CTNNA3: variants seen among roughly 807,000 people sequenced by gnomAD.
The protein encoded by CTNNA3 is catenin alpha-3.
In CTNNA3, 76 loss-of-function variants were observed where a neutral mutation model predicts 95.7. That is an observed-to-expected ratio of 0.79 (90% confidence interval 0.66 to 0.96). The LOEUF (loss-of-function observed/expected upper bound fraction) is 0.96. Ranked by LOEUF, CTNNA3 falls within the 40% of genes least tolerant of loss-of-function variation. The pLI is 0.00. For synonymous variants in CTNNA3, 431 were observed against 374.4 expected (o/e 1.15, Z -1.74); for missense variants, 1,191 against 1,089.8 (o/e 1.09, Z -1.31).
intron 5 of CTNNA3, among the ~76,000 whole-genome samples, chr10:67,443,637 G>A (rs1367748495): frequency 6.6e-6 from 1 of 152,064 alleles, no homozygotes; most frequent in African/African-American, 2.4e-5. Context: ...ACTTTTTGAT[G>A]GAGTTGTTTG....
intron 6 of CTNNA3, among the ~76,000 whole-genome samples, chr10:67,206,257 G>T (rs1311521877): frequency 6.6e-6 from 1 of 152,120 alleles, no homozygotes; most frequent in Non-Finnish European, 1.5e-5. Context: ...TGTATCTAAT[G>T]GGTTGTGTCT....
intron 14 of CTNNA3, among the ~76,000 whole-genome samples, chr10:66,074,137 T>G (rs1311037778): frequency 2.6e-5 from 4 of 151,960 alleles, no homozygotes; most frequent in Non-Finnish European, 4.4e-5. Flanking sequence ...ATTCAGCACT[T>G]AAGTGCTTGA....
intron 9 of CTNNA3, among the ~76,000 whole-genome samples, chr10:66,697,037 C>T (rs1471342012): frequency 6.6e-6 from 1 of 151,954 alleles, no homozygotes; most frequent in East Asian, 1.9e-4. Context: ...CGCTCTATCT[C>T]CCAAGATGCC....
At chr10:66,695,577 C>T (rs1847726973) in intron 9 of CTNNA3, among the ~76,000 whole-genome samples, 1 of 152,078 alleles carries the variant, frequency 6.6e-6, no homozygotes, top group Non-Finnish European at 1.5e-5. Flanking sequence ...ACAGCTTCTC[C>T]CAGCAGCCTA....
chr10:67,337,642 T>C, intron 5 of CTNNA3, among the ~76,000 whole-genome samples: 1 of 152,106 alleles, frequency 6.6e-6, no homozygotes, highest in East Asian at 1.9e-4. Context: ...TAACAGCCAA[T>C]TAATAGGTCT....
intron 13 of CTNNA3, among the ~76,000 whole-genome samples, chr10:66,106,050 A>G (rs561834094): frequency 2.6e-5 from 4 of 152,204 alleles, no homozygotes; most frequent in African/African-American, 9.6e-5. Context: ...TCTACTAAAA[A>G]TACAAAATTA....
intron 7 of CTNNA3, among the ~76,000 whole-genome samples, chr10:67,157,879 A>C (rs1198539703): frequency 5.9e-5 from 9 of 152,182 alleles, no homozygotes; most frequent in Admixed American, 5.2e-4. Context: ...AGCTAGAAAA[A>C]GGAAAGAATT....
intron 3 of CTNNA3, among the ~76,000 whole-genome samples, chr10:67,600,521 A>T (rs1252411004): frequency 6.6e-6 from 1 of 152,182 alleles, no homozygotes; most frequent in Non-Finnish European, 1.5e-5. Context: ...TAAAACTACA[A>T]TATAATACCA....
intron 11 of CTNNA3, among the ~76,000 whole-genome samples, chr10:66,427,458 C>A (rs2093252519): frequency 6.6e-6 from 1 of 152,014 alleles, no homozygotes; most frequent in South Asian, 2.1e-4. Flanking sequence ...AGTATCTGGG[C>A]ACTTCAAACT....
At chr10:66,856,350 T>A (rs1253313549) in intron 7 of CTNNA3, among the ~76,000 whole-genome samples, 1 of 152,106 alleles carries the variant, frequency 6.6e-6, no homozygotes, top group African/African-American at 2.4e-5. Flanking sequence ...TTCCACGTCT[T>A]TGCTATTGTG....
At chr10:66,466,108 T>C (rs1290009430) in intron 11 of CTNNA3, among the ~76,000 whole-genome samples, 1 of 151,934 alleles carries the variant, frequency 6.6e-6, no homozygotes, top group Admixed American at 6.6e-5. Context: ...ATCCAATAAA[T>C]TGAAGGCTCT....
intron 13 of CTNNA3, among the ~76,000 whole-genome samples, chr10:66,114,844 A>G (rs1204973349): frequency 6.6e-6 from 1 of 151,532 alleles, no homozygotes; most frequent in East Asian, 1.9e-4. Context: ...ACCCCACTGC[A>G]CTCCAGCCTC....
chr10:67,517,047 T>C (rs1488861809), intron 5 of CTNNA3, among the ~76,000 whole-genome samples: 1 of 152,230 alleles, frequency 6.6e-6, no homozygotes, highest in African/African-American at 2.4e-5. Context: ...TTGTGAATAA[T>C]GCTGCAATGA....
At chr10:67,086,181 GATATAA>G (rs1026689629) in intron 7 of CTNNA3, among the ~76,000 whole-genome samples, 23 of 152,000 alleles carry the variant, frequency 1.5e-4, no homozygotes, top group African/African-American at 5.3e-4. Context: ...TACTTATGTG[GATATAA>G]ATATAAATTT....
intron 10 of CTNNA3, among the ~76,000 whole-genome samples, chr10:66,614,396 A>G (rs888180486): frequency 6.6e-6 from 1 of 152,114 alleles, no homozygotes; most frequent in African/African-American, 2.4e-5. Flanking sequence ...CATTATTCTT[A>G]GGATATATCA....
At chr10:65,949,649 C>T (rs559930655) in intron 17 of CTNNA3, among the ~76,000 whole-genome samples, 11 of 152,224 alleles carry the variant, frequency 7.2e-5, no homozygotes, top group African/African-American at 2.6e-4. Flanking sequence ...CTTTACCTGA[C>T]CTCAGAGCGG....
At chr10:67,114,548 T>C (rs971876081) in intron 7 of CTNNA3, among the ~76,000 whole-genome samples, 1 of 152,172 alleles carries the variant, frequency 6.6e-6, no homozygotes, top group Non-Finnish European at 1.5e-5. Context: ...CAACTTTTGT[T>C]ATACTATAAA....
At chr10:66,720,468 G>C (rs192467731) in intron 9 of CTNNA3, among the ~76,000 whole-genome samples, 1 of 152,186 alleles carries the variant, frequency 6.6e-6, no homozygotes, top group African/African-American at 2.4e-5. Context: ...GCCTTCTCCA[G>C]AATGGGATTT....
At chr10:67,208,351 C>G (rs1863995678) in intron 6 of CTNNA3, among the ~76,000 whole-genome samples, 1 of 145,254 alleles carries the variant, frequency 6.9e-6, no homozygotes, top group African/African-American at 2.6e-5. Context: ...TGCACTCCAG[C>G]CTGGGTGACA....
Sources: gnomAD v4.1 joint callset for allele counts (sites outside exome capture counted in the v4.1 genomes callset) on GRCh38, gnomAD v4.1.1 for gene constraint, MANE v1.5 for transcripts, NCBI Gene and HGNC (gene_info 2026-07-23, HGNC 2026-07-21) for gene names.